The following CADM1 variants were observed in gnomAD, a reference collection of about 807,000 sequenced individuals.
CADM1 encodes the protein cell adhesion molecule 1, also known as TSLC-1.
A neutral mutation model predicts 53.1 loss-of-function variants in CADM1; 15 were observed. The observed-to-expected ratio is 0.28, with a 90% CI of 0.19 to 0.44. The LOEUF (loss-of-function observed/expected upper bound fraction) is 0.44, where lower values mean the gene tolerates loss of function less well. Among genes scored for constraint, CADM1 ranks in the 20% least tolerant of loss-of-function variants. CADM1 has a pLI of 1.00. For missense variants in CADM1, 434 were observed against 611.3 expected, an observed-to-expected ratio of 0.71 and a Z score of 3.06; for synonymous variants, 281 against 243.0, an observed-to-expected ratio of 1.16 and a Z score of -1.45.
chr11:115,368,994 C>T (rs1341069874), intron 1 of CADM1, among the ~76,000 whole-genome samples: 1 of 130,154 alleles, frequency 7.7e-6, no homozygotes, highest in Admixed American at 9.0e-5. Flanking sequence ...GTCCTTATAG[C>T]TCCCCAGTGC....
intron 3 of CADM1, among the ~76,000 whole-genome samples, chr11:115,237,796 A>G (rs1942062937): frequency 6.6e-6 from 1 of 152,208 alleles, no homozygotes; most frequent in Non-Finnish European, 1.5e-5. Context: ...CTATATTAAA[A>G]TTGAACATGG....
intron 10 of CADM1, among the ~76,000 whole-genome samples, chr11:115,190,224 C>T (rs76863432): frequency 0.022 from 3,288 of 152,274 alleles, 113 homozygotes; most frequent in African/African-American, 0.075. Context: ...TAGCTCTGAC[C>T]ACTTTAAATC....
intron 1 of CADM1, among the ~76,000 whole-genome samples, chr11:115,342,689 A>T (rs1945479588): frequency 6.6e-6 from 1 of 152,122 alleles, no homozygotes; most frequent in Admixed American, 6.6e-5. Context: ...CTCTCTTCAA[A>T]TGATGTGTTT....
chr11:115,331,429 C>T (rs1418175205), intron 1 of CADM1, among the ~76,000 whole-genome samples: 1 of 152,074 alleles, frequency 6.6e-6, no homozygotes, highest in African/African-American at 2.4e-5. Context: ...GTGAAGCTTG[C>T]CATCATAAGA....
chr11:115,313,733 T>A (rs2135168782), intron 1 of CADM1, among the ~76,000 whole-genome samples: 1 of 152,302 alleles, frequency 6.6e-6, no homozygotes, highest in South Asian at 2.1e-4. Context: ...AGAATTGATG[T>A]GTGCCATTTC....
chr11:115,302,964 G>GA (rs1258116222), intron 1 of CADM1, among the ~76,000 whole-genome samples: 1 of 152,060 alleles, frequency 6.6e-6, no homozygotes, highest in Non-Finnish European at 1.5e-5. Context: ...AAAAAGGAAA[G>GA]AAAAAGAGCA....
At chr11:115,202,967 C>T (rs1362409805) in intron 8 of CADM1, among the ~76,000 whole-genome samples, 1 of 151,640 alleles carries the variant, frequency 6.6e-6, no homozygotes, top group Non-Finnish European at 1.5e-5. Flanking sequence ...ATTTTCTTTC[C>T]ATCTATGTTA....
intron 1 of CADM1, among the ~76,000 whole-genome samples, chr11:115,314,231 G>A (rs1008059012): frequency 2.6e-5 from 4 of 152,054 alleles, no homozygotes; most frequent in African/African-American, 9.7e-5. Flanking sequence ...AAGCTCATGG[G>A]GAAATACTGT....
intron 1 of CADM1, among the ~76,000 whole-genome samples, chr11:115,464,165 A>G (rs1211745068): frequency 6.6e-6 from 1 of 152,198 alleles, no homozygotes; most frequent in Admixed American, 6.5e-5. Flanking sequence ...ACTGAACAAA[A>G]CAATCCACAA....
chr11:115,341,744 G>A (rs1945453941), intron 1 of CADM1, among the ~76,000 whole-genome samples: 1 of 152,200 alleles, frequency 6.6e-6, no homozygotes, highest in African/African-American at 2.4e-5. Flanking sequence ...GTGTGTGACA[G>A]AGAATAATAT....
intron 10 of CADM1, among the ~76,000 whole-genome samples, chr11:115,186,376 T>A (rs1484468351): frequency 6.6e-6 from 1 of 152,152 alleles, no homozygotes; most frequent in African/African-American, 2.4e-5. Flanking sequence ...CCCAGGTTAG[T>A]CAGCACATTG....
At chr11:115,278,591 G>A (rs965253114) in intron 1 of CADM1, among the ~76,000 whole-genome samples, 1 of 152,206 alleles carries the variant, frequency 6.6e-6, no homozygotes, top group Non-Finnish European at 1.5e-5. Context: ...AGAAGTCGAT[G>A]AGTATAGAGG....
At chr11:115,354,105 T>A (rs552408867) in intron 1 of CADM1, among the ~76,000 whole-genome samples, 2 of 152,018 alleles carry the variant, frequency 1.3e-5, no homozygotes, top group Non-Finnish European at 2.9e-5. Context: ...GACTAAACAA[T>A]AGGGAAAACA....
chr11:115,381,418 C>G (rs546652765), intron 1 of CADM1, among the ~76,000 whole-genome samples: 2 of 152,012 alleles, frequency 1.3e-5, no homozygotes, highest in South Asian at 4.1e-4. Flanking sequence ...AGAGGAATAA[C>G]AACAGGAAAG....
chr11:115,383,077 A>G (rs1946618115), intron 1 of CADM1, among the ~76,000 whole-genome samples: 1 of 152,216 alleles, frequency 6.6e-6, no homozygotes. Flanking sequence ...CATACAATGT[A>G]TTAACTTTTG....
chr11:115,173,097 A>T lies in CADM1; in HGVS notation c.*3377T>A, dbSNP rs1340635229. 6.6e-6 allele frequency: 1 copy of T among 152,294 alleles called. No individual in the cohort carries two copies. The highest frequency in any genetic ancestry group is 1.5e-5 in the Non-Finnish European group (1 of 68,116). The allele number at this position is 152,294 out of a possible 1,614,324, so 9.4% of individuals were successfully genotyped here. ...AGCAACCTAAACAGCAAGTGAGAACAATCTTCTGCAGGCAGCCAAGCCAGT... is the reference window on the plus strand; with the variant it reads ...AGCAACCTAAACAGCAAGTGAGAACTATCTTCTGCAGGCAGCCAAGCCAGT... On this transcript the variant is annotated 3_prime_UTR_variant, in exon 12 of 12. Transcript: ENST00000331581.
intron 1 of CADM1, among the ~76,000 whole-genome samples, chr11:115,379,799 C>G (rs1391014198): frequency 6.6e-6 from 1 of 152,108 alleles, no homozygotes; most frequent in East Asian, 1.9e-4. Context: ...TTTATTGACA[C>G]AAACACAGAA....
chr11:115,343,354 G>T (rs1374368740), intron 1 of CADM1, among the ~76,000 whole-genome samples: 1 of 152,092 alleles, frequency 6.6e-6, no homozygotes, highest in African/African-American at 2.4e-5. Context: ...AACCTTCACA[G>T]TAACCCAATG....
intron 1 of CADM1, among the ~76,000 whole-genome samples, chr11:115,275,371 C>CA (rs1179165396): frequency 6.6e-6 from 1 of 152,176 alleles, no homozygotes; most frequent in African/African-American, 2.4e-5. Flanking sequence ...TCGCGACTCA[C>CA]AACATCCTGC....
Sources: allele counts gnomAD v4.1 joint callset (sites outside exome capture counted in the v4.1 genomes callset), GRCh38; gene constraint gnomAD v4.1.1; transcripts MANE v1.5; gene names NCBI Gene and HGNC (gene_info 2026-07-23, HGNC 2026-07-21).